OVOL2: variants seen among roughly 807,000 people sequenced by gnomAD.
The protein encoded by OVOL2 is transcription factor Ovo-like 2.
Under a neutral mutation model 18.1 loss-of-function variants are expected in OVOL2, and 13 were observed. The observed-to-expected ratio is 0.72, with a 90% CI of 0.47 to 1.14. OVOL2 has a LOEUF of 1.14. Among genes scored for constraint, OVOL2 ranks in the 50% most tolerant of loss-of-function variants. The pLI is 0.00. For synonymous variants in OVOL2, 166 were observed against 162.7 expected (o/e 1.02, Z -0.16); for missense variants, 335 against 383.0 (o/e 0.87, Z 1.05).
Position 18,024,839 on chromosome 20 carries a change from G to T in OVOL2, c.625C>A (p.Arg209=). The T allele has an allele frequency of 6.2e-7, 1 of 1,614,200 alleles. No individual in the cohort carries two copies. Among genetic ancestry groups the T allele is most frequent in the Non-Finnish European group, 8.5e-7 (1 of 1,180,046 alleles). The stretch of plus-strand genomic sequence containing the variant: ...TCGCAGACGTAGAGCTTGTCCCGCC[G>T]CTGCTTATAGGCATACTGCTGCTGC... ...GVQQQYAYKQ[R]RDKLYVCEDC... Residue 209 remains arginine (R), a synonymous_variant, in exon 4 of 4, where the codon CGG becomes AGG. Coordinates refer to ENST00000278780, the MANE Select transcript of OVOL2 (RefSeq NM_021220.4).
chr20:18,036,530 C>T (rs1417138666), intron 3 of OVOL2, among the ~76,000 whole-genome samples: 1 of 152,038 alleles, frequency 6.6e-6, no homozygotes, highest in South Asian at 2.1e-4. Flanking sequence ...AACTGCGAAA[C>T]CCTTTGGGAA....
chr20:18,026,087 T>C (rs1040461602), intron 3 of OVOL2, among the ~76,000 whole-genome samples: 2 of 152,262 alleles, frequency 1.3e-5, no homozygotes, highest in Non-Finnish European at 2.9e-5. Flanking sequence ...ACACTGGACC[T>C]GCCTTCTAGC....
chr20:18,048,867 T>C (rs1405253145), intron 2 of OVOL2, among the ~76,000 whole-genome samples: 1 of 152,220 alleles, frequency 6.6e-6, no homozygotes, highest in Non-Finnish European at 1.5e-5. Context: ...ATATGGAAAT[T>C]ATTAATATAT....
chr20:18,026,837 C>T (rs6034942), intron 3 of OVOL2, among the ~76,000 whole-genome samples: 103,534 of 151,768 alleles, frequency 0.68, 35,441 homozygotes, highest in East Asian at 0.76. Context: ...CCCAGCTCAG[C>T]ACCCTACACT....
chr20:18,034,651 T>TCTCTCACACA (rs773350112), intron 3 of OVOL2, among the ~76,000 whole-genome samples: 1 of 145,614 alleles, frequency 6.9e-6, no homozygotes, highest in African/African-American at 2.6e-5. Context: ...TCTCTCTCTC[T>TCTCTCACACA]CACACACACA....
At chr20:18,047,138 T>C (rs2036729992) in intron 2 of OVOL2, among the ~76,000 whole-genome samples, 1 of 152,346 alleles carries the variant, frequency 6.6e-6, no homozygotes, top group Admixed American at 6.5e-5. Context: ...ACTTAGTTTG[T>C]GGCAAGTTAC....
chr20:18,036,718 G>A (rs1030924380), intron 3 of OVOL2, among the ~76,000 whole-genome samples: 1 of 152,038 alleles, frequency 6.6e-6, no homozygotes, highest in African/African-American at 2.4e-5. Context: ...TGGCACCACT[G>A]AACTCACACG....
chr20:18,030,163 C>T (rs1008062041), intron 3 of OVOL2, among the ~76,000 whole-genome samples: 4 of 152,224 alleles, frequency 2.6e-5, no homozygotes, highest in South Asian at 2.1e-4. Flanking sequence ...CTAAGGAATG[C>T]GCCCGCTCTA....
At chr20:18,051,561 A>G (rs4814690) in intron 2 of OVOL2, among the ~76,000 whole-genome samples, 1 of 152,090 alleles carries the variant, frequency 6.6e-6, no homozygotes, top group African/African-American at 2.4e-5. Context: ...CAGATGCCCC[A>G]CAGTGTGACA....
chr20:18,058,032 A>G (rs2036847145), upstream of OVOL2, among the ~76,000 whole-genome samples: 1 of 152,202 alleles, frequency 6.6e-6, no homozygotes, highest in African/African-American at 2.4e-5. Flanking sequence ...AATGTTTGCA[A>G]AAGAATTTAA....
chr20:18,024,890 A>G lies in OVOL2; in HGVS notation c.574T>C (p.Ser192Pro). Reference sequence around the variant, plus strand: ...ACCCCATGGATTTTCTTCAGGTGGGACTCCAGAGAGCAGCGCTGGGTGAAG... The same window carrying G: ...ACCCCATGGATTTTCTTCAGGTGGGGCTCCAGAGAGCAGCGCTGGGTGAAG... ...KAFTQRCSLE[S>P]HLKKIHGVQQ... The change falls in exon 4 of 4, where the codon TCC becomes CCC. Residue 192 changes from serine to proline, a missense_variant. Coordinates refer to ENST00000278780, the MANE Select transcript of OVOL2 (RefSeq NM_021220.4). 6.2e-7 allele frequency: 1 copy of G among 1,613,978 alleles called. No homozygotes were observed. Among genetic ancestry groups the G allele is most frequent in the South Asian group, 1.1e-5 (1 of 91,074 alleles).
rs1461737726 is a variant in OVOL2 at position 18,057,248 on chromosome 20, T to C, written c.100+287A>G. ...TGAGGACGTGAGATTGGGGGTAGCC[T>C]CTGCTGGCTTTCAATCCCTTTCCTG... On this transcript the variant is annotated intron_variant, in intron 1 of 3. Coordinates refer to ENST00000278780, the MANE Select transcript of OVOL2 (RefSeq NM_021220.4). The surrounding 1 kb of genome is among the most constrained non-coding windows in gnomAD (Gnocchi z 6.3). Among the ~76,000 whole-genome samples, 1 of 152,068 alleles carries C rather than the reference T, an allele frequency of 6.6e-6. No individual in the cohort carries two copies. The highest frequency in any genetic ancestry group is 1.5e-5 in the Non-Finnish European group (1 of 67,996).
chr20:18,034,987 C>G (rs2122699675), intron 3 of OVOL2, among the ~76,000 whole-genome samples: 1 of 152,266 alleles, frequency 6.6e-6, no homozygotes, highest in East Asian at 1.9e-4. Context: ...GGTCCTGGGT[C>G]CTGGGTCCAG....
At chr20:18,040,360 T>C (rs2149476) in intron 3 of OVOL2, among the ~76,000 whole-genome samples, 38,073 of 151,626 alleles carry the variant, frequency 0.25, 6,270 homozygotes, top group African/African-American at 0.48. Flanking sequence ...TGGGCTGTGA[T>C]AGGATGTGAT....
chr20:18,030,172 T>C (rs2036555335), intron 3 of OVOL2, among the ~76,000 whole-genome samples: 1 of 152,262 alleles, frequency 6.6e-6, no homozygotes, highest in South Asian at 2.1e-4. Flanking sequence ...GCGCCCGCTC[T>C]AGCTTTCATG....
intron 3 of OVOL2, among the ~76,000 whole-genome samples, chr20:18,036,670 AC>A (rs11476205): frequency 0.12 from 18,480 of 151,976 alleles, 1,241 homozygotes; most frequent in South Asian, 0.18. Flanking sequence ...GGGTACAGGC[AC>A]CCCCTTTCTT....
intron 3 of OVOL2, among the ~76,000 whole-genome samples, chr20:18,036,377 A>G (rs1005070631): frequency 5.9e-5 from 9 of 152,124 alleles, no homozygotes; most frequent in African/African-American, 2.2e-4. Flanking sequence ...TCTTTTGCCT[A>G]TACAACACAT....
intron 2 of OVOL2, among the ~76,000 whole-genome samples, chr20:18,042,102 A>G (rs1024698290): frequency 1.3e-5 from 2 of 151,850 alleles, no homozygotes; most frequent in Non-Finnish European, 2.9e-5. Flanking sequence ...CAGTAGAGAC[A>G]GGGTTTCACC....
chr20:18,038,618 G>C (rs1419707846), intron 3 of OVOL2, among the ~76,000 whole-genome samples: 2 of 152,216 alleles, frequency 1.3e-5, no homozygotes, highest in East Asian at 3.9e-4. Context: ...TCCAGCTGAA[G>C]GTACCAACAG....
Sources: allele counts gnomAD v4.1 joint callset (sites outside exome capture counted in the v4.1 genomes callset), GRCh38; gene constraint gnomAD v4.1.1; non-coding constraint Gnocchi (gnomAD v3.1); transcripts MANE v1.5; gene names NCBI Gene and HGNC (gene_info 2026-07-23, HGNC 2026-07-21).